Variants in TMEM63C observed in about 807,000 individuals in gnomAD.
TMEM63C encodes osmosensitive cation channel TMEM63C.
In TMEM63C, 32 loss-of-function variants were observed where a neutral mutation model predicts 99.2. The observed-to-expected ratio is 0.32, with a 90% CI of 0.24 to 0.43. The LOEUF (loss-of-function observed/expected upper bound fraction) is 0.43. Among genes scored for constraint, TMEM63C ranks in the 20% least tolerant of loss-of-function variants. The pLI is 1.00. For synonymous variants in TMEM63C, 376 were observed against 397.9 expected (o/e 0.94, Z 0.66); for missense variants, 826 against 1,053.0 (o/e 0.78, Z 2.98).
intron 5 of TMEM63C, among the ~76,000 whole-genome samples, chr14:77,221,896 A>C (rs1566623953): frequency 6.6e-6 from 1 of 151,650 alleles, no homozygotes; most frequent in Non-Finnish European, 1.5e-5. Context: ...AGGTGATGTC[A>C]CATTCTTTGG....
intron 3 of TMEM63C, 106 bp downstream of exon 3, chr14:77,219,069 C>T: frequency 1.6e-6 from 2 of 1,266,308 alleles, no homozygotes; most frequent in Non-Finnish European, 2.1e-6. Context: ...ACAACAACAA[C>T]ATTGATACAA....
intron 6 of TMEM63C, among the ~76,000 whole-genome samples, chr14:77,229,175 G>A (rs553667276): frequency 5.9e-5 from 9 of 152,006 alleles, no homozygotes; most frequent in East Asian, 2.0e-4. Context: ...AGGCCAAAGC[G>A]GGCAGATCAT....
chr14:77,239,803 C>T, intron 12 of TMEM63C, 77 bp downstream of exon 12: 1 of 1,546,742 alleles, frequency 6.5e-7, no homozygotes, highest in Non-Finnish European at 8.7e-7. Flanking sequence ...CCTTTGCCCG[C>T]ACTGTTGGGC....
chr14:77,206,001 G>A (rs2140100072), intron 1 of TMEM63C, among the ~76,000 whole-genome samples: 1 of 152,192 alleles, frequency 6.6e-6, no homozygotes, highest in East Asian at 1.9e-4. Context: ...CAGGTGAGAT[G>A]ACTTTGTAAA....
chr14:77,217,255 T>C (rs746182032), intron 2 of TMEM63C, among the ~76,000 whole-genome samples: 37 of 152,112 alleles, frequency 2.4e-4, no homozygotes, highest in Non-Finnish European at 4.0e-4. Flanking sequence ...CCGGGCAAGC[T>C]CGAAGCCCAG....
intron 7 of TMEM63C, among the ~76,000 whole-genome samples, chr14:77,232,685 T>C (rs1243962864): frequency 6.6e-6 from 1 of 152,250 alleles, no homozygotes; most frequent in Non-Finnish European, 1.5e-5. Context: ...GCCACATACC[T>C]ATACAGTGTT....
intron 21 of TMEM63C, 49 bp from the exon 22 acceptor site, chr14:77,251,740 C>T (rs749821627): frequency 1.3e-6 from 2 of 1,492,734 alleles, no homozygotes; most frequent in Admixed American, 1.7e-5. Flanking sequence ...GTTGGGGTGG[C>T]ATCTCGGCTG....
At chr14:77,222,388 T>A (rs1888740318) in intron 5 of TMEM63C, among the ~76,000 whole-genome samples, 1 of 152,194 alleles carries the variant, frequency 6.6e-6, no homozygotes, top group Non-Finnish European at 1.5e-5. Context: ...CAGGCCTCCA[T>A]CAGCCTCTTG....
Position 77,258,020 on chromosome 14 carries a change from T to C in TMEM63C, c.*1294T>C, listed in dbSNP as rs1028662337. 2 of 152,198 alleles carry C rather than the reference T, an allele frequency of 1.3e-5. No homozygotes were observed. Among genetic ancestry groups the C allele is most frequent in the African/African-American group, 4.8e-5 (2 of 41,400 alleles). The allele number at this position is 152,198 out of a possible 1,614,324, so 9.4% of individuals were successfully genotyped here. A position where few individuals can be genotyped will look rare whatever the true frequency, so the allele number is the denominator to read the frequency against. The stretch of plus-strand genomic sequence containing the variant: ...CCTGGGGGAGCTGAATTCCGAACAG[T>C]GATGGTGACACTCAGCACCTTTGCC... On this transcript the variant is annotated 3_prime_UTR_variant, in exon 24 of 24. Coordinates refer to ENST00000298351, the MANE Select transcript of TMEM63C (RefSeq NM_020431.4).
chr14:77,219,542 C>T lies in TMEM63C; in HGVS notation c.195C>T (p.Asp65=). The change falls in exon 4 of 24, where the codon GAC becomes GAT. Residue 65 remains aspartate, a synonymous_variant. Transcript: ENST00000298351. ...CCTTCCTCCGGAAAGCTGCGTGGGA[C>T]TATGGGCGCCTGGCTCTGCTGATAC... is the stretch of plus-strand genomic sequence containing the variant. The part of the protein sequence containing the change: ...VYSFLRKAAW[D]YGRLALLIHN... The T allele has an allele frequency of 6.2e-7, 1 of 1,613,994 alleles. No individual in the cohort carries two copies. Among genetic ancestry groups the T allele is most frequent in the Non-Finnish European group, 8.5e-7 (1 of 1,179,898 alleles).
At chr14:77,233,192 A>G (rs984099813) in intron 7 of TMEM63C, among the ~76,000 whole-genome samples, 3 of 152,126 alleles carry the variant, frequency 2.0e-5, no homozygotes, top group Admixed American at 6.5e-5. Context: ...GGTGTCCATT[A>G]TGTGCCAATT....
intron 21 of TMEM63C, among the ~76,000 whole-genome samples, chr14:77,250,451 G>C (rs1026820088): frequency 8.5e-6 from 1 of 118,106 alleles, no homozygotes; most frequent in East Asian, 2.4e-4. Flanking sequence ...TTTTTCTTTT[G>C]TTTTTAGAGA....
At chr14:77,225,081 C>T (rs929465291) in intron 5 of TMEM63C, among the ~76,000 whole-genome samples, 13 of 152,174 alleles carry the variant, frequency 8.5e-5, no homozygotes. Flanking sequence ...CTGGACCACA[C>T]GCATCCAGTG....
At chr14:77,190,262 A>G (rs1888080390) in intron 1 of TMEM63C, among the ~76,000 whole-genome samples, 1 of 152,164 alleles carries the variant, frequency 6.6e-6, no homozygotes, top group South Asian at 2.1e-4. Flanking sequence ...ACCAATAATC[A>G]CTGAAGAAAC....
chr14:77,244,583 T>TCAGG, intron 16 of TMEM63C, 128 bp downstream of exon 16: 1 of 723,638 alleles, frequency 1.4e-6, no homozygotes, highest in Non-Finnish European at 2.4e-6. Context: ...AGGGATGGTT[T>TCAGG]TGATACCTGA....
intron 1 of TMEM63C, among the ~76,000 whole-genome samples, chr14:77,201,798 G>A (rs1007569609): frequency 4.6e-5 from 7 of 152,224 alleles, no homozygotes; most frequent in South Asian, 4.1e-4. Flanking sequence ...TGGGAGTAGC[G>A]GGGGCGGTTT....
intron 1 of TMEM63C, among the ~76,000 whole-genome samples, chr14:77,190,881 C>A (rs895930896): frequency 7.2e-5 from 11 of 151,796 alleles, no homozygotes; most frequent in African/African-American, 2.7e-4. Context: ...TCTAGAGGTA[C>A]AAGCCAACAC....
rs774355700 is a variant in TMEM63C at position 77,239,461 on chromosome 14, G to A, written c.775G>A (p.Val259Ile). The change falls in exon 11 of 24, where the codon GTC becomes ATC. Residue 259 changes from valine (V) to isoleucine (I), a missense_variant. Coordinates refer to ENST00000298351, the MANE Select transcript of TMEM63C (RefSeq NM_020431.4). The stretch of plus-strand genomic sequence containing the variant: ...GACAAGAGTCCACTTCTGCTACGAC[G>A]TCAGGAACCTGATCGACTTGGACGA... ...VVTRVHFCYD[V>I]RNLIDLDDQR... The A allele has an allele frequency of 5.0e-6, 8 of 1,613,638 alleles. No homozygotes were observed. Among genetic ancestry groups the A allele is most frequent in the African/African-American group, 1.3e-5 (1 of 75,034 alleles).
intron 1 of TMEM63C, among the ~76,000 whole-genome samples, chr14:77,205,421 G>A (rs1046005880): frequency 6.6e-6 from 1 of 152,186 alleles, no homozygotes; most frequent in African/African-American, 2.4e-5. Context: ...ATGAGCTTGA[G>A]GAGGGGAGGA....
Sources: allele counts gnomAD v4.1 joint callset (sites outside exome capture counted in the v4.1 genomes callset), GRCh38; gene constraint gnomAD v4.1.1; transcripts MANE v1.5; gene names NCBI Gene and HGNC (gene_info 2026-07-23, HGNC 2026-07-21).